The following AGAP2 variants were observed in gnomAD, a reference collection of about 807,000 sequenced individuals.
The protein encoded by AGAP2 is arf-GAP with GTPase, ANK repeat and PH domain-containing protein 2.
AGAP2 carries 32 observed loss-of-function variants against 110.9 expected under a neutral mutation model. The observed-to-expected ratio is 0.29, with a 90% CI of 0.22 to 0.39. The LOEUF is 0.39. AGAP2 is among the 10% of genes least tolerant of loss of function. AGAP2 has a pLI of 1.00. For synonymous variants in AGAP2, 702 were observed against 713.0 expected (o/e 0.98, Z 0.25); for missense variants, 1,285 against 1,638.5 (o/e 0.78, Z 3.72).
chr12:57,731,017 C>A, intron 10 of AGAP2, 64 bp from the exon 11 acceptor site: 1 of 1,440,770 alleles, frequency 6.9e-7, no homozygotes, highest in South Asian at 1.4e-5. Context: ...GGGAAGCAGT[C>A]AACATGGTAC....
intron 4 of AGAP2, 21 bp downstream of exon 4, chr12:57,734,298 C>T (rs1280615131): frequency 1.9e-6 from 3 of 1,613,894 alleles, no homozygotes; most frequent in South Asian, 1.1e-5. Flanking sequence ...CCAGCCTGTC[C>T]CCCACCACCT....
At chr12:57,725,024 C>A (rs1243822598), downstream of AGAP2, 1 of 152,546 alleles carries the variant, frequency 6.6e-6, no homozygotes, top group Non-Finnish European at 1.5e-5. Context: ...TCCTCCACTA[C>A]ATGAACCCAG....
At chr12:57,736,809 A>G (rs563929086) in intron 1 of AGAP2, among the ~76,000 whole-genome samples, 14 of 152,228 alleles carry the variant, frequency 9.2e-5, no homozygotes, top group Non-Finnish European at 1.8e-4. Flanking sequence ...GCAATTTTCT[A>G]GTCACTCTGA....
upstream of AGAP2, chr12:57,741,792 A>G: frequency 8.6e-7 from 1 of 1,161,328 alleles, no homozygotes; most frequent in African/African-American, 1.5e-5. Context: ...ATTCTTTCCC[A>G]GAGTCCCATC....
Position 57,734,150 on chromosome 12 carries a change from C to A in AGAP2, c.1425G>T (p.Val475=). The change falls in exon 5 of 19, where the codon GTG becomes GTT. Residue 475 remains valine (V), a synonymous_variant. Coordinates refer to ENST00000547588, the MANE Select transcript of AGAP2 (RefSeq NM_001122772.3). The part of the protein sequence containing the change: ...DAKFSGWADA[V]IFVFSLEDEN... ...CATCCTCCAGGCTGAAGACGAAGAT[C>A]ACAGCATCTGCCCAGCCTGAGAACT... 2 of 1,612,074 alleles carry A rather than the reference C, an allele frequency of 1.2e-6. No individual in the cohort carries two copies. Among genetic ancestry groups the A allele is most frequent in the Non-Finnish European group, 8.5e-7 (1 of 1,178,786 alleles).
chr12:57,736,077 G>A (rs898551004), intron 1 of AGAP2, among the ~76,000 whole-genome samples: 2 of 152,200 alleles, frequency 1.3e-5, no homozygotes, highest in Non-Finnish European at 2.9e-5. Context: ...AGGCCCGGGG[G>A]AAAGGATGCT....
chr12:57,728,212 G>C (rs1364457488), intron 14 of AGAP2, 106 bp downstream of exon 14: 17 of 1,512,094 alleles, frequency 1.1e-5, no homozygotes, highest in African/African-American at 2.8e-5. Context: ...AGGGAAAGCA[G>C]AGGGTGGGGG....
At chr12:57,741,843 T>C, upstream of AGAP2, 2 of 1,545,258 alleles carry the variant, frequency 1.3e-6, no homozygotes, top group Middle Eastern at 1.7e-4. Context: ...TGATATATGA[T>C]ACAGCTAAAC....
At chr12:57,729,866 G>A in intron 12 of AGAP2, 99 bp from the exon 13 acceptor site, 1 of 1,492,384 alleles carries the variant, frequency 6.7e-7, no homozygotes, top group Non-Finnish European at 9.0e-7. Flanking sequence ...TGGCATTTTA[G>A]GGCTCCCCTC....
rs746740929 is a variant in AGAP2 at position 57,735,437 on chromosome 12, G to C, written c.1169-10C>G. On this transcript the variant is annotated splice_polypyrimidine_tract_variant and intron_variant, in intron 1 of 18. Coordinates refer to ENST00000547588, the MANE Select transcript of AGAP2 (RefSeq NM_001122772.3). ...CTATTGATCACAGCCTCTGTAACGGGAGAAGGGCAGTAAGAGGGGAGGCTC... is the reference window on the plus strand; with the variant it reads ...CTATTGATCACAGCCTCTGTAACGGCAGAAGGGCAGTAAGAGGGGAGGCTC... 4.3e-6 allele frequency: 7 copies of C among 1,613,064 alleles called. 1 individual carries two copies. The highest frequency in any genetic ancestry group is 3.3e-5 in the South Asian group (3 of 90,754).
chr12:57,726,417 C>A lies in AGAP2; in HGVS notation c.*135G>T. On this transcript the variant is annotated 3_prime_UTR_variant, in exon 19 of 19. Transcript: ENST00000547588. The surrounding 1 kb of genome is among the most constrained non-coding windows in gnomAD (Gnocchi z 5.7). ...TTCTGGAAGGCGTGGGGGCTGTGCCCTCGTGGGGGTAGGAAGTGCTCCCGT... is the reference window on the plus strand; with the variant it reads ...TTCTGGAAGGCGTGGGGGCTGTGCCATCGTGGGGGTAGGAAGTGCTCCCGT... The A allele has an allele frequency of 1.1e-6, 1 of 921,552 alleles. No individual in the cohort carries two copies. The allele number at this position is 921,552 out of a possible 1,614,324, so 57.1% of individuals were successfully genotyped here.
In AGAP2 at chr12:57,727,141, G is replaced by A; in HGVS notation, c.3169C>T (p.Gln1057Ter). The A allele has an allele frequency of 6.2e-7, 1 of 1,603,558 alleles. No homozygotes were observed. The highest frequency in any genetic ancestry group is 8.5e-7 in the Non-Finnish European group (1 of 1,176,258). Reference sequence around the variant, plus strand: ...TGGGCCTGCACGGCGGCCCACAGCTGGCGGCCCAGCGGCTCCTCCGAGGTG... The same window carrying A: ...TGGGCCTGCACGGCGGCCCACAGCTAGCGGCCCAGCGGCTCCTCCGAGGTG... Reference protein sequence around the residue: ...LSTSEEPLGRQLWAAVQAQDV... With the variant: ...LSTSEEPLGR Residue 1057 changes from glutamine (Q) to a stop codon, truncating the protein, a stop_gained, in exon 18 of 19, where the codon CAG becomes TAG. Transcript: ENST00000547588. LOFTEE classifies it high-confidence loss of function.
intron 5 of AGAP2, among the ~76,000 whole-genome samples, chr12:57,733,820 A>AT (rs1157386749): frequency 6.6e-6 from 1 of 152,152 alleles, no homozygotes; most frequent in African/African-American, 2.4e-5. Context: ...TCCTCCCTGG[A>AT]GATCCCCTTT....
At chr12:57,735,275 GA>G in intron 2 of AGAP2, 93 bp downstream of exon 2, 1 of 1,186,202 alleles carries the variant, frequency 8.4e-7, no homozygotes, top group Non-Finnish European at 1.2e-6. Context: ...CCCAAAGAGA[GA>G]GAGAGAGAGA....
In AGAP2 at chr12:57,732,418, A is replaced by G; in HGVS notation, c.1779T>C (p.Thr593=). ...CCCAACTCACCTGGCCAGCTACCGG[A>G]GTGGATGCAGCTGAGTGGCTTGGGG... ...PSSPSHSAAS[T]PVAGQASNGG... The change falls in exon 7 of 19, where the codon ACT becomes ACC. Residue 593 remains threonine (T), a synonymous_variant. Transcript: ENST00000547588. 3 of 1,604,764 alleles carry G rather than the reference A, an allele frequency of 1.9e-6. No homozygotes were observed. The highest frequency in any genetic ancestry group is 2.6e-6 in the Non-Finnish European group (3 of 1,175,174).
At chr12:57,740,225 G>C (rs1041547774), upstream of AGAP2, among the ~76,000 whole-genome samples, 6 of 152,156 alleles carry the variant, frequency 3.9e-5, no homozygotes, top group South Asian at 4.1e-4. Context: ...AGGGTGGGGG[G>C]GCTGAGCCAG....
At position 57,737,755 on chromosome 12, in the gene AGAP2, A is replaced by G. The variant is rs991468958; in HGVS notation, c.492T>C (p.Pro164=). 2 of 1,537,340 alleles carry G rather than the reference A, an allele frequency of 1.3e-6. No individual in the cohort carries two copies. Among genetic ancestry groups the G allele is most frequent in the Non-Finnish European group, 1.7e-6 (2 of 1,147,258 alleles). The change falls in exon 1 of 19, where the codon CCT becomes CCC. Residue 164 remains proline (P), a synonymous_variant. Coordinates refer to ENST00000547588, the MANE Select transcript of AGAP2 (RefSeq NM_001122772.3). This position sits in a 1 kb window ranked among gnomAD's most constrained non-coding sequence, Gnocchi z 5.9. ...EPEGRAGGGI[P]GSSSPHPGTG... is the part of the protein sequence containing the mutation. ...TGCCAGGGTGCGGAGAGGATGAGCC[A>G]GGGATGCCGCCGCCCGCCCGGCCTT... is the stretch of plus-strand genomic sequence containing the variant.
rs776392882 is a variant in AGAP2, at chr12:57,726,989, C to G, written c.3321G>C (p.Thr1107=). The change falls in exon 18 of 19, where the codon ACG becomes ACC. Residue 1107 remains threonine, a synonymous_variant. Coordinates refer to ENST00000547588, the MANE Select transcript of AGAP2 (RefSeq NM_001122772.3). This position sits in a 1 kb window ranked among gnomAD's most constrained non-coding sequence, Gnocchi z 5.7. The stretch of plus-strand genomic sequence containing the variant: ...GCTCACGTACCCACAGCAGCAGTTG[C>G]GTGATGACGACGTGGGCGAGCTCGG... ...LAAELAHVVI[T]QLLLWYGADV... 5.6e-6 allele frequency: 9 copies of G among 1,593,448 alleles called. No individual in the cohort carries two copies. The highest frequency in any genetic ancestry group is 7.7e-6 in the Non-Finnish European group (9 of 1,169,990).
In AGAP2 at chr12:57,735,369, C is replaced by G. The variant is rs1189636248; in HGVS notation, c.1227G>C (p.Leu409=). 6.2e-7 allele frequency: 1 copy of G among 1,613,876 alleles called. No homozygotes were observed. Among genetic ancestry groups the G allele is most frequent in the African/African-American group, 1.3e-5 (1 of 75,022 alleles). Residue 409 remains leucine (L), a splice_region_variant and synonymous_variant, in exon 2 of 19, where the codon CTG becomes CTC. Transcript: ENST00000547588. ...TLSRSIPELR[L]GVLGDARSGK... ...TAGGCAAGGGGACTGGGTTACCTAC[C>G]AGGCGCAGTTCAGGAATGGAGCGGC...
Sources: gnomAD v4.1 joint callset for allele counts (sites outside exome capture counted in the v4.1 genomes callset) on GRCh38, gnomAD v4.1.1 for gene constraint, Gnocchi (gnomAD v3.1) non-coding constraint, MANE v1.5 for transcripts, NCBI Gene and HGNC (gene_info 2026-07-23, HGNC 2026-07-21) for gene names.